Variants in FNDC3B observed in about 807,000 individuals in gnomAD.
FNDC3B encodes the protein fibronectin type III domain containing 3B.
A neutral mutation model predicts 151.5 loss-of-function variants in FNDC3B; 12 were observed. The observed-to-expected ratio is 0.08, with a 90% CI of 0.05 to 0.13. The LOEUF (loss-of-function observed/expected upper bound fraction) is 0.13, where lower values mean the gene tolerates loss of function less well. Among genes scored for constraint, FNDC3B ranks in the 10% least tolerant of loss-of-function variants. The pLI is 1.00. For missense variants in FNDC3B, 1,214 were observed against 1,505.3 expected (o/e 0.81, Z 3.20); for synonymous variants, 528 against 549.0 (o/e 0.96, Z 0.54).
chr3:172,368,992 C>A (rs1454290415), intron 23 of FNDC3B, among the ~76,000 whole-genome samples: 2 of 152,160 alleles, frequency 1.3e-5, no homozygotes, highest in Admixed American at 6.5e-5. Context: ...GCCTGGGCGA[C>A]AGAGCAAGAC....
intron 3 of FNDC3B, among the ~76,000 whole-genome samples, chr3:172,174,565 G>A (rs1180561958): frequency 6.6e-6 from 1 of 152,138 alleles, no homozygotes; most frequent in Non-Finnish European, 1.5e-5. Context: ...TTATGTTAAT[G>A]TTTGGAATCT....
intron 23 of FNDC3B, among the ~76,000 whole-genome samples, chr3:172,366,480 A>G (rs1249710400): frequency 6.7e-6 from 1 of 149,202 alleles, no homozygotes; most frequent in Non-Finnish European, 1.5e-5. Flanking sequence ...CATTTAGGTG[A>G]AAAAAAAAAC....
At chr3:172,226,140 A>C (rs913619808) in intron 3 of FNDC3B, among the ~76,000 whole-genome samples, 1 of 152,024 alleles carries the variant, frequency 6.6e-6, no homozygotes, top group Non-Finnish European at 1.5e-5. Context: ...ACCCGTCTCT[A>C]CTAAAAATAC....
chr3:172,303,449 T>G (rs1731036223), intron 9 of FNDC3B, among the ~76,000 whole-genome samples: 1 of 152,234 alleles, frequency 6.6e-6, no homozygotes, highest in Non-Finnish European at 1.5e-5. Context: ...GACCAAAAAC[T>G]GTGGCTCCTA....
At chr3:172,158,825 A>AAAAC (rs1205790499) in intron 3 of FNDC3B, among the ~76,000 whole-genome samples, 1 of 152,178 alleles carries the variant, frequency 6.6e-6, no homozygotes, top group Non-Finnish European at 1.5e-5. Context: ...TGTGAGGTTT[A>AAAAC]GGTTGAAAGG....
intron 16 of FNDC3B, chr3:172,337,941 CA>C (rs1733072479): frequency 6.5e-6 from 1 of 153,014 alleles, no homozygotes; most frequent in African/African-American, 2.4e-5. Context: ...TCACCACACT[CA>C]GCTTCCATGT....
At position 172,398,942 on chromosome 3, in the gene FNDC3B, G is replaced by A. The variant is rs919469257; in HGVS notation, c.*1467G>A. ...GTTCGAGTACCTCAGGGACATTTAA[G>A]AGTTGGAGGTGCAAATATATTCCAA... On this transcript the variant is annotated 3_prime_UTR_variant, in exon 26 of 26. Transcript: ENST00000415807. The A allele has an allele frequency of 6.6e-6, 1 of 152,632 alleles. No homozygotes were observed. The highest frequency in any genetic ancestry group is 2.4e-5 in the African/African-American group (1 of 41,458). 9.5% of individuals were successfully genotyped at this position (152,632 alleles called of 1,614,324 possible). A position where few individuals can be genotyped will look rare whatever the true frequency, so the allele number is the denominator to read the frequency against.
intron 3 of FNDC3B, among the ~76,000 whole-genome samples, chr3:172,149,806 G>GTTTTTTTGTTTTTTTTTT (rs1722115595): frequency 1.9e-5 from 1 of 52,458 alleles, no homozygotes; most frequent in African/African-American, 7.8e-5. Context: ...TATGTTGGGT[G>GTTTTTTTGTTTTTTTTTT]TTTTTTTTTT....
At chr3:172,295,290 T>C in intron 7 of FNDC3B, 73 bp from the exon 8 acceptor site, 1 of 1,424,706 alleles carries the variant, frequency 7.0e-7, no homozygotes, top group Non-Finnish European at 9.7e-7. Flanking sequence ...TGAGCCAGTT[T>C]TATGCCACTA....
chr3:172,384,368 A>G (rs1240052794), intron 25 of FNDC3B, among the ~76,000 whole-genome samples: 2 of 152,210 alleles, frequency 1.3e-5, no homozygotes, highest in Admixed American at 1.3e-4. Context: ...ATTTCAGAGT[A>G]AATAACTTAC....
intron 25 of FNDC3B, among the ~76,000 whole-genome samples, chr3:172,394,698 G>A (rs1736188220): frequency 1.3e-5 from 2 of 152,116 alleles, no homozygotes; most frequent in Non-Finnish European, 2.9e-5. Context: ...TTTCAAAAAG[G>A]TAAATGAGGA....
Position 172,341,097 on chromosome 3 carries a change from A to G in FNDC3B, c.1853-16A>G, listed in dbSNP as rs1733291497. 1 of 1,550,242 alleles carries G rather than the reference A, an allele frequency of 6.5e-7. No homozygotes were observed. The highest frequency in any genetic ancestry group is 2.2e-5 in the East Asian group (1 of 44,620). On this transcript the variant is annotated splice_polypyrimidine_tract_variant and intron_variant, in intron 16 of 25. Transcript: ENST00000415807. The stretch of plus-strand genomic sequence containing the variant: ...TTACAAGAGGCATAAAGTCATGCAT[A>G]AGTCTTGTTTTACAGCGAATCAGTG...
chr3:172,142,144 G>A (rs916539670), intron 3 of FNDC3B, among the ~76,000 whole-genome samples: 1 of 152,198 alleles, frequency 6.6e-6, no homozygotes, highest in Admixed American at 6.5e-5. Flanking sequence ...AACAATTTCT[G>A]AGTCATAGTA....
intron 9 of FNDC3B, among the ~76,000 whole-genome samples, chr3:172,305,795 G>T (rs376167602): frequency 6.6e-6 from 1 of 152,276 alleles, no homozygotes; most frequent in African/African-American, 2.4e-5. Flanking sequence ...CCCATGTCTG[G>T]AACATGTTGT....
At chr3:172,344,910 C>G (rs1398211116) in intron 19 of FNDC3B, among the ~76,000 whole-genome samples, 1 of 152,072 alleles carries the variant, frequency 6.6e-6, no homozygotes, top group East Asian at 1.9e-4. Context: ...AACTGTGAGG[C>G]TTTTGGGTGG....
intron 2 of FNDC3B, among the ~76,000 whole-genome samples, chr3:172,119,185 A>G (rs894371026): frequency 6.6e-6 from 1 of 151,090 alleles, no homozygotes; most frequent in Non-Finnish European, 1.5e-5. Context: ...AAAAAAAAAA[A>G]AAAAAAAGAA....
At chr3:172,186,744 T>G in intron 3 of FNDC3B, 1 of 702,670 alleles carries the variant, frequency 1.4e-6, no homozygotes, top group Non-Finnish European at 2.6e-6. Flanking sequence ...CGATTGAAGA[T>G]TTTTTCATCT....
At chr3:172,235,200 G>A (rs1217006197) in intron 4 of FNDC3B, among the ~76,000 whole-genome samples, 1 of 152,084 alleles carries the variant, frequency 6.6e-6, no homozygotes, top group Non-Finnish European at 1.5e-5. Flanking sequence ...TTTTGAAGTT[G>A]TGATTATTAT....
intron 11 of FNDC3B, among the ~76,000 whole-genome samples, chr3:172,312,733 A>G (rs1170688622): frequency 1.3e-5 from 2 of 152,056 alleles, no homozygotes; most frequent in African/African-American, 4.8e-5. Context: ...TAAGTTAAGG[A>G]AGGCCAAAAA....
Sources: allele counts gnomAD v4.1 joint callset (sites outside exome capture counted in the v4.1 genomes callset), GRCh38; gene constraint gnomAD v4.1.1; transcripts MANE v1.5; gene names NCBI Gene and HGNC (gene_info 2026-07-23, HGNC 2026-07-21).